Variants in PRDM11 observed in about 807,000 individuals in gnomAD.
PRDM11 encodes the protein PR domain-containing protein 11.
PRDM11 carries 20 observed loss-of-function variants against 97.8 expected under a neutral mutation model. The observed-to-expected ratio is 0.20, with a 90% CI of 0.14 to 0.30. The LOEUF is 0.30. Ranked by LOEUF, PRDM11 falls within the 10% of genes least tolerant of loss-of-function variation. The probability of loss-of-function intolerance (pLI) is 1.00; values close to 1 mark genes in which losing one functional copy is unlikely to be tolerated. For missense variants in PRDM11, 1,139 were observed against 1,555.2 expected (o/e 0.73, Z 4.50); for synonymous variants, 599 against 637.7 (o/e 0.94, Z 0.91).
At chr11:45,164,370 G>C (rs763588854) in intron 1 of PRDM11, among the ~76,000 whole-genome samples, 1 of 152,246 alleles carries the variant, frequency 6.6e-6, no homozygotes. Flanking sequence ...CTGTCAGTGC[G>C]GGCCTCCCCT....
chr11:45,217,049 C>T (rs935366659), intron 5 of PRDM11, among the ~76,000 whole-genome samples: 2 of 152,186 alleles, frequency 1.3e-5, no homozygotes, highest in East Asian at 1.9e-4. Flanking sequence ...AGAAAAAAGA[C>T]GAATGAATGG....
chr11:45,222,304 A>G (rs529917466), intron 6 of PRDM11, among the ~76,000 whole-genome samples: 92 of 152,216 alleles, frequency 6.0e-4, no homozygotes, highest in Non-Finnish European at 1.1e-3. Context: ...CAAAGATCAT[A>G]CTAAGAAATT....
chr11:45,138,073 A>G (rs1019356866), intron 1 of PRDM11, among the ~76,000 whole-genome samples: 2 of 152,170 alleles, frequency 1.3e-5, no homozygotes, highest in Non-Finnish European at 2.9e-5. Flanking sequence ...AATCCCAACC[A>G]CCTGGGTGTA....
At chr11:45,174,116 C>G (rs1383686424) in intron 1 of PRDM11, among the ~76,000 whole-genome samples, 1 of 152,084 alleles carries the variant, frequency 6.6e-6, no homozygotes, top group Admixed American at 6.5e-5. Flanking sequence ...TTTGGTAACT[C>G]TATTTAAATG....
chr11:45,095,401 T>C (rs1851875472), upstream of PRDM11, among the ~76,000 whole-genome samples: 1 of 152,206 alleles, frequency 6.6e-6, no homozygotes. Context: ...CGCTGCTATC[T>C]GCTCATCATG....
chr11:45,195,289 T>C (rs962229118), intron 4 of PRDM11, among the ~76,000 whole-genome samples: 11 of 152,218 alleles, frequency 7.2e-5, no homozygotes, highest in African/African-American at 2.7e-4. Context: ...TTCACAGGTA[T>C]GTGCAACCAT....
intron 1 of PRDM11, among the ~76,000 whole-genome samples, chr11:45,153,633 G>A (rs547621118): frequency 6.6e-6 from 1 of 152,332 alleles, no homozygotes; most frequent in African/African-American, 2.4e-5. Context: ...AGGTGATCTG[G>A]CCACAGCCTC....
chr11:45,187,799 C>CGTGTGTGT lies in PRDM11; in HGVS notation c.486+4703_486+4710dup, dbSNP rs61613469. ...TGCTTAAAGTGGCTCAAGAAAAGTT[C>CGTGTGTGT]GTGTGTGTGTGTGTGTGTGTGTGTG... On this transcript the variant is annotated intron_variant, in intron 4 of 7. Coordinates refer to ENST00000683152, the MANE Select transcript of PRDM11 (RefSeq NM_001384648.1). 6.2e-3 allele frequency among the ~76,000 whole-genome samples: 912 copies of CGTGTGTGT among 147,196 alleles called. 12 individuals carry two copies. Among genetic ancestry groups the CGTGTGTGT allele is most frequent in the African/African-American group, 0.022 (860 of 39,780 alleles).
At chr11:45,173,448 C>T (rs1263785629) in intron 1 of PRDM11, among the ~76,000 whole-genome samples, 3 of 151,974 alleles carry the variant, frequency 2.0e-5, no homozygotes, top group African/African-American at 7.3e-5. Flanking sequence ...ATGATGAAAC[C>T]CTGTCTCTAC....
At chr11:45,209,893 C>A (rs1247903726) in intron 5 of PRDM11, among the ~76,000 whole-genome samples, 1 of 152,192 alleles carries the variant, frequency 6.6e-6, no homozygotes, top group Non-Finnish European at 1.5e-5. Context: ...GTCCAGCGGA[C>A]TAGGATGTGA....
At chr11:45,213,637 C>G in intron 5 of PRDM11, 1 of 456,492 alleles carries the variant, frequency 2.2e-6, no homozygotes, top group East Asian at 7.0e-5. Context: ...AAAAGACTGT[C>G]TTGCATTCAT....
intron 4 of PRDM11, among the ~76,000 whole-genome samples, chr11:45,195,218 GTAATTCACATACTATA>G (rs2135772057): frequency 6.6e-6 from 1 of 152,246 alleles, no homozygotes; most frequent in East Asian, 1.9e-4. Context: ...TTATTGAGAT[GTAATTCACATACTATA>G]TAATTCACCC....
intron 1 of PRDM11, among the ~76,000 whole-genome samples, chr11:45,100,095 T>G (rs1202925168): frequency 2.6e-5 from 4 of 152,228 alleles, no homozygotes; most frequent in Non-Finnish European, 5.9e-5. Context: ...TGGCAGATTC[T>G]GAATGCATCA....
chr11:45,175,507 C>G (rs969610505), intron 1 of PRDM11, among the ~76,000 whole-genome samples: 3 of 152,156 alleles, frequency 2.0e-5, no homozygotes, highest in African/African-American at 7.2e-5. Context: ...TAATTGCTGT[C>G]TGTTATTTCA....
chr11:45,225,054 G>T, intron 7 of PRDM11: 1 of 1,443,108 alleles, frequency 6.9e-7, no homozygotes, highest in Non-Finnish European at 9.0e-7. Context: ...TGTTGCCCTT[G>T]TATCCTCCTT....
rs1852603520 is a variant in PRDM11, at chr11:45,127,523, G to A, written c.96+31622G>A. Among the ~76,000 whole-genome samples the A allele has an allele frequency of 2.6e-5, 4 of 152,318 alleles. No homozygotes were observed. The South Asian group carries it at 6.2e-4, about 24-fold the overall frequency. On this transcript the variant is annotated intron_variant, in intron 1 of 6. Transcript: ENST00000530656. Reference sequence around the variant, plus strand: ...GTACAGATGGGTTTTTGGTGTGGATGTCCTTTCTGTTTGTTAGTTTTCCTT... The same window carrying A: ...GTACAGATGGGTTTTTGGTGTGGATATCCTTTCTGTTTGTTAGTTTTCCTT...
At chr11:45,218,824 G>A (rs1024060072) in intron 5 of PRDM11, among the ~76,000 whole-genome samples, 8 of 152,206 alleles carry the variant, frequency 5.3e-5, no homozygotes, top group African/African-American at 1.9e-4. Context: ...CCGAGTTGGT[G>A]CTTTACATGC....
chr11:45,110,096 C>G (rs1185831867), intron 1 of PRDM11, among the ~76,000 whole-genome samples: 1 of 152,192 alleles, frequency 6.6e-6, no homozygotes, highest in Admixed American at 6.5e-5. Context: ...TCCTTTATTT[C>G]TGTAGTTTAT....
At chr11:45,128,550 T>C (rs941528331) in intron 1 of PRDM11, among the ~76,000 whole-genome samples, 5 of 150,656 alleles carry the variant, frequency 3.3e-5, no homozygotes, top group East Asian at 2.0e-4. Context: ...TTTTTGTTGA[T>C]ACATTTGGCA....
Sources: gnomAD v4.1 joint callset for allele counts (sites outside exome capture counted in the v4.1 genomes callset) on GRCh38, gnomAD v4.1.1 for gene constraint, MANE v1.5 for transcripts, NCBI Gene and HGNC (gene_info 2026-07-23, HGNC 2026-07-21) for gene names.